Variants in WNT9B observed in about 807,000 individuals in gnomAD.
WNT9B encodes the protein Wnt family member 9B, also known as protein Wnt-9b.
In WNT9B, 12 loss-of-function variants were observed where a neutral mutation model predicts 30.2. The observed-to-expected ratio is 0.40, with a 90% CI of 0.26 to 0.64. The LOEUF is 0.64. Ranked by LOEUF, WNT9B falls within the 30% of genes least tolerant of loss-of-function variation. The pLI is 0.42. For missense variants in WNT9B, 442 were observed against 485.2 expected (o/e 0.91, Z 0.84); for synonymous variants, 218 against 216.9 (o/e 1.01, Z -0.05).
Position 46,875,178 on chromosome 17 carries a change from G to A in WNT9B, c.412G>A (p.Gly138Arg). ...THTLARACSAGRMERCTCDDS... is the reference protein window; with the variant it reads ...THTLARACSARRMERCTCDDS... Reference sequence around the variant, plus strand: ...CACCCTGGCCCGGGCCTGCAGCGCTGGGCGCATGGAGCGCTGCACCTGTGA... The same window carrying A: ...CACCCTGGCCCGGGCCTGCAGCGCTAGGCGCATGGAGCGCTGCACCTGTGA... The change falls in exon 3 of 4, where the codon GGG (glycine) becomes AGG (arginine). Residue 138 changes from glycine (G) to arginine (R), a missense_variant. Physicochemically the swap from Gly to Arg is moderately radical, Grantham distance 125. Coordinates refer to ENST00000290015, the MANE Select transcript of WNT9B (RefSeq NM_003396.3). 1 of 1,614,082 alleles carries A rather than the reference G, an allele frequency of 6.2e-7. No individual in the cohort carries two copies. Among genetic ancestry groups the A allele is most frequent in the South Asian group, 1.1e-5 (1 of 91,078 alleles).
At chr17:46,861,843 G>A (rs1208033364) in intron 1 of WNT9B, among the ~76,000 whole-genome samples, 1 of 152,316 alleles carries the variant, frequency 6.6e-6, no homozygotes, top group East Asian at 1.9e-4. Flanking sequence ...GCCAGATGCT[G>A]TCAGAATTCA....
chr17:46,875,129 G>T lies in WNT9B; in HGVS notation c.363G>T (p.Ala121=), dbSNP rs112004045. The T allele has an allele frequency of 2.5e-6, 4 of 1,613,894 alleles. No homozygotes were observed. Among genetic ancestry groups the T allele is most frequent in the Non-Finnish European group, 3.4e-6 (4 of 1,180,030 alleles). ...TCAAAGAGACAGCTTTCCTGTACGC[G>T]GTGTCCTCTGCCGCCCTCACCCACA... is the stretch of plus-strand genomic sequence containing the variant. The part of the protein sequence containing the change: ...RGFKETAFLY[A]VSSAALTHTL... The change falls in exon 3 of 4, where the codon GCG becomes GCT. Residue 121 remains alanine, a synonymous_variant. Coordinates refer to ENST00000290015, the MANE Select transcript of WNT9B (RefSeq NM_003396.3).
Position 46,872,663 on chromosome 17 carries a change from C to A in WNT9B, c.224C>A (p.Ala75Asp), listed in dbSNP as rs1213346885. ...CTCTGCCGGAGGGAGCCCGGCCTGG[C>A]TGAGACCCTGAGGGATGCTGCGCAC... ...KQLCRREPGL[A>D]ETLRDAAHLG... The change falls in exon 2 of 4, where the codon GCT becomes GAT. Residue 75 changes from alanine (A) to aspartate (D), a missense_variant. Transcript: ENST00000290015. 3 of 1,613,696 alleles carry A rather than the reference C, an allele frequency of 1.9e-6. No homozygotes were observed. The highest frequency in any genetic ancestry group is 3.3e-5 in the Admixed American group (2 of 60,022).
intron 1 of WNT9B, among the ~76,000 whole-genome samples, chr17:46,865,922 T>C (rs910950832): frequency 4.6e-5 from 7 of 152,134 alleles, no homozygotes; most frequent in African/African-American, 7.2e-5. Context: ...AAAAAAATCC[T>C]TTATAGTTGT....
At chr17:46,870,207 G>A (rs915203512) in intron 1 of WNT9B, among the ~76,000 whole-genome samples, 18 of 152,144 alleles carry the variant, frequency 1.2e-4, no homozygotes, top group African/African-American at 4.3e-4. Flanking sequence ...TGAAACACAG[G>A]AATTGTGTGA....
chr17:46,875,427 G>T, intron 3 of WNT9B, 61 bp downstream of exon 3: 1 of 1,495,196 alleles, frequency 6.7e-7, no homozygotes, highest in Non-Finnish European at 8.9e-7. Context: ...TGGGGAGCAT[G>T]GCTTGAAGGA....
intron 1 of WNT9B, among the ~76,000 whole-genome samples, chr17:46,852,262 A>G (rs2084862236): frequency 6.8e-6 from 1 of 146,974 alleles, no homozygotes; most frequent in South Asian, 2.4e-4. Flanking sequence ...GAATGGGGGA[A>G]ACCTCGGACG....
chr17:46,875,921 T>C (rs1178567486), intron 3 of WNT9B, among the ~76,000 whole-genome samples: 1 of 152,196 alleles, frequency 6.6e-6, no homozygotes, highest in East Asian at 1.9e-4. Flanking sequence ...TTCTGAGTTG[T>C]CATCACTGAG....
At chr17:46,865,356 G>C (rs965258279) in intron 1 of WNT9B, among the ~76,000 whole-genome samples, 1 of 152,170 alleles carries the variant, frequency 6.6e-6, no homozygotes, top group Non-Finnish European at 1.5e-5. Flanking sequence ...GTGGGGCTGT[G>C]CTTGGAGAGA....
intron 1 of WNT9B, among the ~76,000 whole-genome samples, chr17:46,845,894 G>T (rs544398302): frequency 6.7e-6 from 1 of 148,942 alleles, no homozygotes; most frequent in South Asian, 2.1e-4. Context: ...GAGTTCAAGC[G>T]ATTCTCCTGC....
At chr17:46,851,055 T>C (rs535655401), upstream of WNT9B, among the ~76,000 whole-genome samples, 268 of 152,252 alleles carry the variant, frequency 1.8e-3, 5 homozygotes, top group Middle Eastern at 0.031. This position sits in a 1 kb window ranked among gnomAD's most constrained non-coding sequence, Gnocchi z 4.3. Context: ...GACATGCATT[T>C]CCCCCGCTTC....
upstream of WNT9B, among the ~76,000 whole-genome samples, chr17:46,847,692 G>A (rs899310867): frequency 6.6e-6 from 1 of 152,200 alleles, no homozygotes; most frequent in African/African-American, 2.4e-5. Context: ...GGCATCATCT[G>A]TTCCACTTCC....
At chr17:46,849,918 G>A (rs1244956926), upstream of WNT9B, among the ~76,000 whole-genome samples, 1 of 149,812 alleles carries the variant, frequency 6.7e-6, no homozygotes, top group Non-Finnish European at 1.5e-5. Context: ...CGTGATTTCG[G>A]CTCACTGCAA....
At chr17:46,867,156 C>T (rs966529248) in intron 1 of WNT9B, among the ~76,000 whole-genome samples, 1 of 152,256 alleles carries the variant, frequency 6.6e-6, no homozygotes, top group African/African-American at 2.4e-5. Context: ...CTGGAGGACT[C>T]CTGAGTCCAA....
At chr17:46,862,163 C>CAAA (rs111407961) in intron 1 of WNT9B, among the ~76,000 whole-genome samples, 1 of 80,316 alleles carries the variant, frequency 1.2e-5, no homozygotes, top group Non-Finnish European at 3.1e-5. Flanking sequence ...AACTCCGTCT[C>CAAA]AAAAAAAAAA....
At position 46,877,066 on chromosome 17, in the gene WNT9B, T is replaced by A. The variant is rs544413008; in HGVS notation, c.*348T>A. The A allele has an allele frequency of 9.1e-7, 1 of 1,095,026 alleles. No individual in the cohort carries two copies. Among genetic ancestry groups the A allele is most frequent in the Admixed American group, 4.8e-5 (1 of 20,878 alleles). 67.8% of individuals were successfully genotyped at this position (1,095,026 alleles called of 1,614,324 possible). ...GAGAGAGGGGCTATTCCATCTTGCTTCCTGGGATGAATGGCTTGGAGCCAG... is the reference window on the plus strand; with the variant it reads ...GAGAGAGGGGCTATTCCATCTTGCTACCTGGGATGAATGGCTTGGAGCCAG... On this transcript the variant is annotated 3_prime_UTR_variant, in exon 4 of 4. Coordinates refer to ENST00000290015, the MANE Select transcript of WNT9B (RefSeq NM_003396.3).
chr17:46,840,007 C>CTTT (rs34248258), intron 1 of WNT9B, among the ~76,000 whole-genome samples: 10 of 50,250 alleles, frequency 2.0e-4, no homozygotes, highest in African/African-American at 1.2e-3. Flanking sequence ...TTTCTTCTTT[C>CTTT]TTTCTTTCTT....
intron 1 of WNT9B, among the ~76,000 whole-genome samples, chr17:46,840,015 CTTTCTTTCTTTCTTTCT>C (rs1409843351): frequency 2.3e-5 from 2 of 86,406 alleles, no homozygotes; most frequent in African/African-American, 4.5e-5. Flanking sequence ...TTCTTTCTTT[CTTTCTTTCTTTCTTTCT>C]TTTCTTTCTT....
Position 46,872,792 on chromosome 17 carries a change from GGA to G in WNT9B, c.334+20_334+21del. The G allele has an allele frequency of 7.0e-7, 1 of 1,431,606 alleles. No homozygotes were observed. The highest frequency in any genetic ancestry group is 9.8e-7 in the Non-Finnish European group (1 of 1,025,394). 88.7% of individuals were successfully genotyped at this position (1,431,606 alleles called of 1,614,324 possible). A position where few individuals can be genotyped will look rare whatever the true frequency, so the allele number is the denominator to read the frequency against. Reference sequence around the variant, plus strand: ...AAGAGAGGTGGGGAGGAGGGCTAGGGGACGGGGAGGGCTGGGGGAAGAAGCCT... The same window carrying G: ...AAGAGAGGTGGGGAGGAGGGCTAGGGCGGGGAGGGCTGGGGGAAGAAGCCT... On this transcript the variant is annotated intron_variant, in intron 2 of 3. Coordinates refer to ENST00000290015, the MANE Select transcript of WNT9B (RefSeq NM_003396.3).
Sources: allele counts gnomAD v4.1 joint callset (sites outside exome capture counted in the v4.1 genomes callset), GRCh38; gene constraint gnomAD v4.1.1; non-coding constraint Gnocchi (gnomAD v3.1); transcripts MANE v1.5; gene names NCBI Gene and HGNC (gene_info 2026-07-23, HGNC 2026-07-21).